Variants in FAM20A observed in about 807,000 individuals in gnomAD.
FAM20A encodes pseudokinase FAM20A.
FAM20A carries 42 observed loss-of-function variants against 52.0 expected under a neutral mutation model. That is an observed-to-expected ratio of 0.81 (90% CI 0.63 to 1.04). FAM20A has a LOEUF of 1.04. Among genes scored for constraint, FAM20A ranks in the 50% least tolerant of loss-of-function variants. The pLI is 0.00. For missense variants in FAM20A, 742 were observed against 712.7 expected, an observed-to-expected ratio of 1.04 and a Z score of -0.47; for synonymous variants, 304 against 298.9, an observed-to-expected ratio of 1.02 and a Z score of -0.18.
At position 68,537,380 on chromosome 17, in the gene FAM20A, C is replaced by G. The variant is rs755355635; in HGVS notation, c.*97G>C. 3.2e-5 allele frequency: 48 copies of G among 1,513,778 alleles called. No homozygotes were observed. The highest frequency in any genetic ancestry group is 4.1e-5 in the Non-Finnish European group (45 of 1,096,074). The allele number at this position is 1,513,778 out of a possible 1,614,324, so 93.8% of individuals were successfully genotyped here. On this transcript the variant is annotated 3_prime_UTR_variant, in exon 11 of 11. Coordinates refer to ENST00000592554, the MANE Select transcript of FAM20A (RefSeq NM_017565.4). This position sits in a 1 kb window ranked among gnomAD's most constrained non-coding sequence, Gnocchi z 4.2. ...TGCTTCCTTCCTAGCTGACTTGACT[C>G]CCAGCAGTAACAGGTGGGAGTGAGG...
intron 3 of FAM20A, among the ~76,000 whole-genome samples, chr17:68,552,361 T>C (rs1236821308): frequency 1.3e-5 from 2 of 152,212 alleles, no homozygotes; most frequent in African/African-American, 2.4e-5. Context: ...CCTCTTTGTG[T>C]TTCAACTACA....
At chr17:68,566,604 G>A (rs982824759) in intron 1 of FAM20A, among the ~76,000 whole-genome samples, 4 of 152,196 alleles carry the variant, frequency 2.6e-5, no homozygotes, top group Non-Finnish European at 4.4e-5. Context: ...CAGCAAAAGC[G>A]TTAGTCAGGA....
chr17:68,541,288 A>G (rs905493702), intron 7 of FAM20A: 1 of 375,302 alleles, frequency 2.7e-6, no homozygotes, highest in African/African-American at 2.1e-5. Flanking sequence ...CCTCTCACCA[A>G]GCCTCTTGGA....
chr17:68,596,607 G>A (rs1483839892), intron 1 of FAM20A, among the ~76,000 whole-genome samples: 1 of 152,194 alleles, frequency 6.6e-6, no homozygotes, highest in African/African-American at 2.4e-5. Context: ...CCTGCCCTGC[G>A]TCATCACTTA....
intron 4 of FAM20A, among the ~76,000 whole-genome samples, chr17:68,549,212 C>A (rs945515130): frequency 1.3e-5 from 2 of 152,070 alleles, no homozygotes; most frequent in African/African-American, 2.4e-5. Flanking sequence ...GAAAGGCATC[C>A]GGCCAGGTGC....
In FAM20A at chr17:68,600,236, C is replaced by T. The variant is rs893797737; in HGVS notation, c.404+27G>A. 2 of 1,549,850 alleles carry T rather than the reference C, an allele frequency of 1.3e-6. No homozygotes were observed. Among genetic ancestry groups the T allele is most frequent in the Admixed American group, 3.9e-5 (2 of 51,482 alleles). On this transcript the variant is annotated intron_variant, in intron 1 of 10. Transcript: ENST00000592554. This position sits in a 1 kb window ranked among gnomAD's most constrained non-coding sequence, Gnocchi z 6.2. ...GGAGGCCCCGGCCAGAGCGCCCGCT[C>T]TCCCGCGTCCCGGGCGGGGTCCTCA...
intron 1 of FAM20A, among the ~76,000 whole-genome samples, chr17:68,560,469 A>C (rs150133011): frequency 6.6e-6 from 1 of 152,308 alleles, no homozygotes; most frequent in East Asian, 1.9e-4. Flanking sequence ...CTGGTGGCTT[A>C]ATCTTGGACT....
At chr17:68,565,075 A>G (rs1265184248) in intron 1 of FAM20A, among the ~76,000 whole-genome samples, 2 of 152,162 alleles carry the variant, frequency 1.3e-5, no homozygotes, top group African/African-American at 4.8e-5. Context: ...CCCGCCTCCA[A>G]AGGTTTTAGA....
chr17:68,579,021 A>AAG (rs2087863658), intron 1 of FAM20A, among the ~76,000 whole-genome samples: 1 of 151,508 alleles, frequency 6.6e-6, no homozygotes, highest in Non-Finnish European at 1.5e-5. Flanking sequence ...TTCAAAAAAA[A>AAG]AAAAAAAACA....
rs776401661 is a variant in FAM20A at position 68,537,427 on chromosome 17, C to T, written c.*50G>A. 5 of 1,612,434 alleles carry T rather than the reference C, an allele frequency of 3.1e-6. No homozygotes were observed. The East Asian group carries it at 6.7e-5, about 22-fold the overall frequency. ...GAGGACGCAGGGTCGGCACTCGAGT[C>T]GACTGCTCTGGCTCCAGGCGTATTT... On this transcript the variant is annotated 3_prime_UTR_variant, in exon 11 of 11. Transcript: ENST00000592554. This position sits in a 1 kb window ranked among gnomAD's most constrained non-coding sequence, Gnocchi z 4.2.
rs951098429 is a variant in FAM20A, at chr17:68,540,090, G to A, written c.1220-124C>T. The A allele has an allele frequency of 5.0e-6, 4 of 793,926 alleles. No homozygotes were observed. The African/African-American group carries it at 6.8e-5, about 13-fold the overall frequency. The allele number at this position is 793,926 out of a possible 1,614,324, so 49.2% of individuals were successfully genotyped here. On this transcript the variant is annotated intron_variant, in intron 8 of 10. Transcript: ENST00000592554. ...GAGAGACAGGGGTGTGAACGAAGCTGGGCCTCACACTGTCATTTCCTCAGG... is the reference window on the plus strand; with the variant it reads ...GAGAGACAGGGGTGTGAACGAAGCTAGGCCTCACACTGTCATTTCCTCAGG...
chr17:68,535,931 C>T lies in FAM20A; in HGVS notation c.*1546G>A, dbSNP rs1568712432. 2 of 454,022 alleles carry T rather than the reference C, an allele frequency of 4.4e-6. No homozygotes were observed. The highest frequency in any genetic ancestry group is 2.3e-5 in the Admixed American group (1 of 42,570). 28.1% of individuals were successfully genotyped at this position (454,022 alleles called of 1,614,324 possible). A position where few individuals can be genotyped will look rare whatever the true frequency, so the allele number is the denominator to read the frequency against. On this transcript the variant is annotated 3_prime_UTR_variant, in exon 11 of 11. Transcript: ENST00000592554. ...CCACTAAATTGTGTGATTTTGCTTA[C>T]TCTCTCTGAGATTTAAAGTTCTTCC...
chr17:68,590,466 T>C (rs529885562), intron 1 of FAM20A: 4 of 152,234 alleles, frequency 2.6e-5, no homozygotes, highest in South Asian at 2.1e-4. Context: ...CATGAACCCG[T>C]GGGAGAAAGA....
chr17:68,543,223 C>T (rs1017226623), intron 5 of FAM20A, among the ~76,000 whole-genome samples: 2 of 152,054 alleles, frequency 1.3e-5, no homozygotes, highest in Non-Finnish European at 2.9e-5. Context: ...ACGCTACAGA[C>T]CACACTTTGG....
intron 4 of FAM20A, among the ~76,000 whole-genome samples, chr17:68,550,526 A>G (rs1167742664): frequency 6.6e-6 from 1 of 151,766 alleles, no homozygotes. Context: ...GACTGCATAC[A>G]CGCACCACCA....
At chr17:68,559,889 G>A (rs2087161719) in intron 1 of FAM20A, among the ~76,000 whole-genome samples, 1 of 152,154 alleles carries the variant, frequency 6.6e-6, no homozygotes, top group Non-Finnish European at 1.5e-5. Context: ...TACACAGAAA[G>A]CTCCTCATTC....
chr17:68,574,734 G>A (rs1214714369), intron 1 of FAM20A, among the ~76,000 whole-genome samples: 2 of 152,160 alleles, frequency 1.3e-5, no homozygotes, highest in Non-Finnish European at 2.9e-5. Context: ...GAAGTCAAGA[G>A]CTCTATTTGG....
At chr17:68,593,935 A>G (rs2088377369) in intron 1 of FAM20A, among the ~76,000 whole-genome samples, 1 of 152,208 alleles carries the variant, frequency 6.6e-6, no homozygotes, top group Non-Finnish European at 1.5e-5. Flanking sequence ...AAGCCTTCCC[A>G]AAGGAGGAAA....
rs1336880005 is a variant in FAM20A at position 68,542,747 on chromosome 17, A to G, written c.875T>C (p.Ile292Thr). ...VGRIVNVTKE[I>T]LEVTKNEILQ... ...GATTTCATTCTTGGTGACCTCTAGG[A>G]TTTCCTTGGTGACATTTACTATCCT... The change falls in exon 6 of 11, where the codon ATC becomes ACC. Residue 292 changes from isoleucine to threonine, a missense_variant. Physicochemically the swap from Ile to Thr is moderately conservative, Grantham distance 89. Coordinates refer to ENST00000592554, the MANE Select transcript of FAM20A (RefSeq NM_017565.4). The G allele has an allele frequency of 1.2e-6, 2 of 1,614,124 alleles. No individual in the cohort carries two copies. The highest frequency in any genetic ancestry group is 1.7e-5 in the Admixed American group (1 of 60,026).
Sources: allele counts gnomAD v4.1 joint callset (sites outside exome capture counted in the v4.1 genomes callset), GRCh38; gene constraint gnomAD v4.1.1; non-coding constraint Gnocchi (gnomAD v3.1); transcripts MANE v1.5; gene names NCBI Gene and HGNC (gene_info 2026-07-23, HGNC 2026-07-21).